PLCB4: variants seen among roughly 807,000 people sequenced by gnomAD.
PLCB4 encodes phospholipase C beta 4.
PLCB4 carries 77 observed loss-of-function variants against 178.8 expected under a neutral mutation model. That is an observed-to-expected ratio of 0.43 (90% CI 0.36 to 0.52). The LOEUF (loss-of-function observed/expected upper bound fraction) is 0.52, where lower values mean the gene tolerates loss of function less well. Ranked by LOEUF, PLCB4 falls within the 20% of genes least tolerant of loss-of-function variation. The probability of loss-of-function intolerance (pLI) is 0.00; values close to 1 mark genes in which losing one functional copy is unlikely to be tolerated. For synonymous variants in PLCB4, 496 were observed against 490.8 expected (o/e 1.01, Z -0.14); for missense variants, 1,024 against 1,453.4 (o/e 0.70, Z 4.80).
At chr20:9,310,328 C>T (rs1042247164) in intron 4 of PLCB4, among the ~76,000 whole-genome samples, 28 of 152,150 alleles carry the variant, frequency 1.8e-4, no homozygotes, top group Non-Finnish European at 1.0e-4. Context: ...TGTGAAGGGG[C>T]ATAAATGCTG....
chr20:9,332,823 A>AT (rs2031886649), intron 4 of PLCB4, among the ~76,000 whole-genome samples: 2 of 151,812 alleles, frequency 1.3e-5, no homozygotes, highest in Admixed American at 1.3e-4. Flanking sequence ...ATTCCACTTT[A>AT]TTTTTCTTCT....
intron 3 of PLCB4, among the ~76,000 whole-genome samples, chr20:9,254,710 TA>T (rs960036845): frequency 3.3e-5 from 5 of 151,918 alleles, no homozygotes; most frequent in South Asian, 4.2e-4. Context: ...AAAATAAAAA[TA>T]AAAAAAATTG....
intron 24 of PLCB4, among the ~76,000 whole-genome samples, chr20:9,409,940 C>T (rs994936338): frequency 6.6e-6 from 1 of 152,222 alleles, no homozygotes; most frequent in Non-Finnish European, 1.5e-5. Flanking sequence ...AATTCTACAG[C>T]ATGGTTCTTA....
At chr20:9,116,125 T>C (rs1191895872) in intron 2 of PLCB4, among the ~76,000 whole-genome samples, 1 of 152,006 alleles carries the variant, frequency 6.6e-6, no homozygotes, top group Admixed American at 6.6e-5. Flanking sequence ...GCATTTCTGA[T>C]ATTGTATCCG....
chr20:9,173,922 C>A (rs2093108737), intron 2 of PLCB4, among the ~76,000 whole-genome samples: 1 of 152,170 alleles, frequency 6.6e-6, no homozygotes, highest in Admixed American at 6.6e-5. Flanking sequence ...TGCTGAGGAA[C>A]TGGCACTGAT....
chr20:9,352,666 ATAT>A (rs1287120228), intron 7 of PLCB4, among the ~76,000 whole-genome samples: 2 of 152,244 alleles, frequency 1.3e-5, no homozygotes, highest in Non-Finnish European at 2.9e-5. Flanking sequence ...GAATGTATAA[ATAT>A]TATCCTCACC....
At position 9,396,739 on chromosome 20, in the gene PLCB4, T is replaced by G. The variant is rs78660245; in HGVS notation, c.1510+1121T>G. 2.2e-4 allele frequency among the ~76,000 whole-genome samples: 34 copies of G among 152,330 alleles called. No individual in the cohort carries two copies. The East Asian group carries it at 6.2e-3, about 28-fold the overall frequency. Reference sequence around the variant, plus strand: ...ATTGCAAAAAAATTATTCACAAGAATTTTTGTTTCCCAATGCATACAGAAA... The same window carrying G: ...ATTGCAAAAAAATTATTCACAAGAAGTTTTGTTTCCCAATGCATACAGAAA... On this transcript the variant is annotated intron_variant, in intron 19 of 39. Coordinates refer to ENST00000378473, the MANE Select transcript of PLCB4 (RefSeq NM_001377142.1).
At chr20:9,389,799 A>G in intron 15 of PLCB4, 80 bp from the exon 16 acceptor site, 2 of 738,218 alleles carry the variant, frequency 2.7e-6, no homozygotes, top group South Asian at 3.3e-5. Flanking sequence ...GAAAGACTCA[A>G]TTAATAGTCT....
chr20:9,285,601 A>G (rs1436462903), intron 3 of PLCB4, among the ~76,000 whole-genome samples: 2 of 152,006 alleles, frequency 1.3e-5, no homozygotes, highest in Admixed American at 1.3e-4. Context: ...GTAAATAAAC[A>G]TTACAGAGGA....
intron 2 of PLCB4, among the ~76,000 whole-genome samples, chr20:9,122,938 A>G (rs528243008): frequency 6.6e-6 from 1 of 152,310 alleles, no homozygotes; most frequent in South Asian, 2.1e-4. Context: ...GTCTGGATAC[A>G]GTATCTGTTC....
Position 9,476,760 on chromosome 20 carries a change from C to G in PLCB4, c.3532+7C>G. ...GCAGTGTCCCAAACGCAAGGTAGGA[C>G]CGAAACTCTGATAAGCAAGACGTTG... is the stretch of plus-strand genomic sequence containing the variant. On this transcript the variant is annotated splice_region_variant and intron_variant, in intron 39 of 39. Coordinates refer to ENST00000378473, the MANE Select transcript of PLCB4 (RefSeq NM_001377142.1). 6.2e-7 allele frequency: 1 copy of G among 1,600,888 alleles called. No homozygotes were observed. The highest frequency in any genetic ancestry group is 1.1e-5 in the South Asian group (1 of 90,648).
rs531771004 is a variant in PLCB4 at position 9,372,022 on chromosome 20, G to A, written c.586-281G>A. 2.3e-4 allele frequency among the ~76,000 whole-genome samples: 35 copies of A among 152,260 alleles called. 1 individual carries two copies. Among genetic ancestry groups the A allele is most frequent in the African/African-American group, 7.2e-4 (30 of 41,548 alleles). On this transcript the variant is annotated intron_variant, in intron 10 of 39. Transcript: ENST00000378473. ...TGAGTTGGAGGAAATATTTATATTCGTTCTTTGGGGTATTTCCCAGAGCAA... is the reference window on the plus strand; with the variant it reads ...TGAGTTGGAGGAAATATTTATATTCATTCTTTGGGGTATTTCCCAGAGCAA...
At chr20:9,082,523 T>G (rs2146523224) in intron 1 of PLCB4, among the ~76,000 whole-genome samples, 1 of 152,340 alleles carries the variant, frequency 6.6e-6, no homozygotes, top group East Asian at 1.9e-4. Flanking sequence ...CACAGATTTC[T>G]TTTAGCTTTG....
rs561378891 is a variant in PLCB4, at chr20:9,127,887, A to G, written c.-79+31545A>G. On this transcript the variant is annotated intron_variant, in intron 2 of 39. Coordinates refer to ENST00000378473, the MANE Select transcript of PLCB4 (RefSeq NM_001377142.1). The stretch of plus-strand genomic sequence containing the variant: ...TTTTTAGTAGAGACGGGGTTTTATC[A>G]TGTTGGCCAGACTCGTCTTGAACTC... 2.6e-4 allele frequency among the ~76,000 whole-genome samples: 40 copies of G among 152,082 alleles called. 1 individual carries two copies. The highest frequency in any genetic ancestry group is 1.8e-3 in the Admixed American group (27 of 15,270).
At chr20:9,208,103 A>T (rs145788581) in intron 2 of PLCB4, among the ~76,000 whole-genome samples, 2 of 152,278 alleles carry the variant, frequency 1.3e-5, no homozygotes, top group Admixed American at 1.3e-4. Flanking sequence ...TGTATAATAG[A>T]TGCAGAAATA....
At chr20:9,287,411 G>C (rs2094545124) in intron 3 of PLCB4, among the ~76,000 whole-genome samples, 1 of 151,986 alleles carries the variant, frequency 6.6e-6, no homozygotes, top group South Asian at 2.1e-4. Flanking sequence ...CCATGTTTCT[G>C]TCTGATTCTT....
chr20:9,211,142 A>G (rs549006661), intron 2 of PLCB4, among the ~76,000 whole-genome samples: 1 of 152,258 alleles, frequency 6.6e-6, no homozygotes, highest in Admixed American at 6.5e-5. Context: ...GTGCTACAGA[A>G]CAAAGCAGGC....
Position 9,304,038 on chromosome 20 carries a change from C to G in PLCB4, c.-15-3762C>G, listed in dbSNP as rs369236725. ...TCTCTCTGTGTCTCTCACTCTTGCT[C>G]TAAGTACTTGCCAAATATATATCCA... is the stretch of plus-strand genomic sequence containing the variant. On this transcript the variant is annotated intron_variant, in intron 3 of 39. Coordinates refer to ENST00000378473, the MANE Select transcript of PLCB4 (RefSeq NM_001377142.1). Among the ~76,000 whole-genome samples, 192 of 152,016 alleles carry G rather than the reference C, an allele frequency of 1.3e-3. 7 individuals are homozygous for G. In the South Asian group the frequency reaches 0.039, roughly 31 times the overall value.
chr20:9,433,421 T>C (rs1301613101), intron 28 of PLCB4, among the ~76,000 whole-genome samples: 1 of 152,254 alleles, frequency 6.6e-6, no homozygotes, highest in African/African-American at 2.4e-5. Context: ...GGCTGTGTAT[T>C]ATATCATAGT....
Sources: allele counts gnomAD v4.1 joint callset (sites outside exome capture counted in the v4.1 genomes callset), GRCh38; gene constraint gnomAD v4.1.1; transcripts MANE v1.5; gene names NCBI Gene and HGNC (gene_info 2026-07-23, HGNC 2026-07-21).